The following IK variants were observed in gnomAD, a reference collection of about 807,000 sequenced individuals.
IK encodes IK cytokine, also known as protein Red.
IK carries 47 observed loss-of-function variants against 90.9 expected under a neutral mutation model. The ratio of observed to expected loss-of-function variants is 0.52; its 90% CI spans 0.41 to 0.66. The LOEUF is 0.66. Ranked by LOEUF, IK falls within the 30% of genes least tolerant of loss-of-function variation. IK has a pLI of 0.00. For synonymous variants in IK, 201 were observed against 227.5 expected (o/e 0.88, Z 1.05); for missense variants, 385 against 709.3 (o/e 0.54, Z 5.19).
chr5:140,658,967 C>T lies in IK; in HGVS notation c.979C>T (p.Pro327Ser). ...NIFEDIGDYV[P>S]STTKTPRDKE... ...TTTTGAAGACATTGGGGATTACGTA[C>T]CCTCCACAACCAAGACACCTCGGGA... Residue 327 changes from proline (P) to serine (S), a missense_variant, in exon 12 of 20, where the codon CCC (proline) becomes TCC (serine). Pro to Ser is a moderately conservative substitution (Grantham distance 74, BLOSUM62 -1). This residue lies in a region of IK where 139 missense variants were observed against 172.0 expected (regional missense o/e 0.81). Transcript: ENST00000417647. The T allele has an allele frequency of 6.2e-7, 1 of 1,613,884 alleles. No homozygotes were observed. The highest frequency in any genetic ancestry group is 8.5e-7 in the Non-Finnish European group (1 of 1,179,858).
intron 1 of IK, chr5:140,648,135 C>CT: frequency 1.4e-6 from 1 of 718,340 alleles, no homozygotes; most frequent in Non-Finnish European, 2.5e-6. Flanking sequence ...GTCCTCACTC[C>CT]TACTCCAAGT....
chr5:140,652,149 TGAAG>T lies in IK; in HGVS notation c.236+8_236+11del. On this transcript the variant is annotated splice_donor_5th_base_variant and intron_variant, in intron 4 of 19. Coordinates refer to ENST00000417647, the MANE Select transcript of IK (RefSeq NM_006083.4). ...TGCACGAAGGAGGAAAAAGAAAAGG[TGAAG>T]GAAGGGTGAAGGGTTTTAGATTTTA... 1 of 1,610,928 alleles carries T rather than the reference TGAAG, an allele frequency of 6.2e-7. No individual in the cohort carries two copies. Among genetic ancestry groups the T allele is most frequent in the Non-Finnish European group, 8.5e-7 (1 of 1,177,468 alleles).
chr5:140,655,864 G>A lies in IK; in HGVS notation c.673G>A (p.Ala225Thr). Residue 225 changes from alanine to threonine, a missense_variant, in exon 9 of 20, where the codon GCA becomes ACA. Around this residue, in one of 8 missense-constraint regions of IK, gnomAD observed 46 missense variants for 50.0 expected, o/e 0.92. Transcript: ENST00000417647. ...TTACCGAATGCTTTTTAAGAGCAAA[G>A]CATATGAGCGGAATGAGTTGTTCCT... ...NVYRMLFKSK[A>T]YERNELFLPG... The A allele has an allele frequency of 1.2e-6, 2 of 1,609,550 alleles. No individual in the cohort carries two copies. The highest frequency in any genetic ancestry group is 1.7e-6 in the Non-Finnish European group (2 of 1,177,794).
At position 140,659,752 on chromosome 5, in the gene IK, C is replaced by A; in HGVS notation, c.1196-4C>A. ...GGTCTGGGCTGAGTTCTCTTTTCTC[C>A]TAGGACCTGGGTCTACCAAGGAGTT... On this transcript the variant is annotated splice_region_variant and splice_polypyrimidine_tract_variant and intron_variant, in intron 13 of 19. Transcript: ENST00000417647. The A allele has an allele frequency of 1.3e-6, 2 of 1,583,830 alleles. No homozygotes were observed. Among genetic ancestry groups the A allele is most frequent in the Non-Finnish European group, 8.6e-7 (1 of 1,162,834 alleles).
intron 15 of IK, 97 bp downstream of exon 15, chr5:140,660,292 CTTTTTT>C (rs200714869): frequency 0.016 from 4,555 of 280,740 alleles, 1 homozygote; most frequent in East Asian, 0.026. Context: ...AGGGCTACTT[CTTTTTT>C]TTTTTTTTTT....
rs1561974306 is a variant in IK, at chr5:140,652,967, CTGGTCACAGT to C, written c.237-8_238del. ...ATGAGCCTTATACATTTGCCTTTCT[CTGGTCACAGT>C]TATTATGCCAAGCTACGCCAACAAG... On this transcript the variant is annotated splice_acceptor_variant and splice_polypyrimidine_tract_variant and coding_sequence_variant and intron_variant, in exon 5 of 20. Transcript: ENST00000417647. LOFTEE classifies it high-confidence loss of function. The C allele has an allele frequency of 1.2e-6, 2 of 1,612,704 alleles. No homozygotes were observed. Among genetic ancestry groups the C allele is most frequent in the Non-Finnish European group, 1.7e-6 (2 of 1,179,720 alleles).
At chr5:140,648,122 C>G (rs572868422) in intron 1 of IK, 198 bp downstream of exon 1, 2 of 729,112 alleles carry the variant, frequency 2.7e-6, no homozygotes, top group Non-Finnish European at 4.9e-6. Flanking sequence ...AACTCCGTCC[C>G]CAGTCCTCAC....
intron 15 of IK, 23 bp downstream of exon 15, chr5:140,660,218 A>G (rs1325649616): frequency 1.3e-6 from 2 of 1,553,258 alleles, no homozygotes; most frequent in Non-Finnish European, 8.9e-7. Context: ...TGGTTAAGGA[A>G]GGGAGGCTGG....
At chr5:140,648,267 C>T (rs1310136964) in intron 1 of IK, 1 of 708,120 alleles carries the variant, frequency 1.4e-6, no homozygotes, top group African/African-American at 1.7e-5. Context: ...GAAGTCTTCT[C>T]TGATCCTCCA....
intron 14 of IK, 67 bp downstream of exon 14, chr5:140,659,901 C>G (rs943971379): frequency 1.8e-6 from 2 of 1,116,100 alleles, no homozygotes; most frequent in African/African-American, 3.1e-5. Flanking sequence ...CCCCCCCTGC[C>G]TCCCTGCTCC....
Position 140,662,472 on chromosome 5 carries a change from A to T in IK, c.*143A>T. Reference sequence around the variant, plus strand: ...TTACTTGGTTCCATTAAAATTGGTTAACTTGCTATTTTCTTTGTTGAGCAT... The same window carrying T: ...TTACTTGGTTCCATTAAAATTGGTTTACTTGCTATTTTCTTTGTTGAGCAT... On this transcript the variant is annotated 3_prime_UTR_variant, in exon 20 of 20. Coordinates refer to ENST00000417647, the MANE Select transcript of IK (RefSeq NM_006083.4). 1.1e-6 allele frequency: 1 copy of T among 876,922 alleles called. No homozygotes were observed. The highest frequency in any genetic ancestry group is 1.8e-6 in the Non-Finnish European group (1 of 550,784). 54.3% of individuals were successfully genotyped at this position (876,922 alleles called of 1,614,324 possible).
intron 9 of IK, 85 bp downstream of exon 9, chr5:140,656,077 C>A: frequency 7.7e-7 from 1 of 1,301,674 alleles, no homozygotes; most frequent in Non-Finnish European, 1.1e-6. Flanking sequence ...CCCTTGTCCA[C>A]CATGTCACCA....
At position 140,647,914 on chromosome 5, in the gene IK, G is replaced by T. The variant is rs755697876; in HGVS notation, c.6G>T (p.Pro2=). Residue 2 remains proline (P), a synonymous_variant, in exon 1 of 20, where the codon CCG becomes CCT. Transcript: ENST00000417647. Reference sequence around the variant, plus strand: ...AGCGAAAGAACGATAACAAAATGCCGGAGCGAGATAGTAAGGCTCAGGCCA... The same window carrying T: ...AGCGAAAGAACGATAACAAAATGCCTGAGCGAGATAGTAAGGCTCAGGCCA... The part of the protein sequence containing the change: M[P]ERDSEPFSNP... 1.9e-6 allele frequency: 3 copies of T among 1,613,814 alleles called. No individual in the cohort carries two copies. The African/African-American group carries it at 4.0e-5, about 22-fold the overall frequency.
At position 140,660,292 on chromosome 5, in the gene IK, C is replaced by CTTTTTTT. The variant is rs200714869; in HGVS notation, c.1355+113_1355+119dup. On this transcript the variant is annotated intron_variant, in intron 15 of 19. Coordinates refer to ENST00000417647, the MANE Select transcript of IK (RefSeq NM_006083.4). ...GATTCGCTAAGTCCCAGGGCTACTTCTTTTTTTTTTTTTTTTTTTTTTGGA... is the reference window on the plus strand; with the variant it reads ...GATTCGCTAAGTCCCAGGGCTACTTCTTTTTTTTTTTTTTTTTTTTTTTTTTTTTGGA... The CTTTTTTT allele has an allele frequency of 2.9e-3, 812 of 282,972 alleles. 92 individuals are homozygous for CTTTTTTT. Among genetic ancestry groups the CTTTTTTT allele is most frequent in the African/African-American group, 0.028 (544 of 19,416 alleles). 17.5% of individuals were successfully genotyped at this position (282,972 alleles called of 1,614,324 possible).
intron 2 of IK, among the ~76,000 whole-genome samples, chr5:140,649,394 T>C (rs892380146): frequency 4.0e-5 from 6 of 151,208 alleles, no homozygotes; most frequent in African/African-American, 1.5e-4. Flanking sequence ...TTTGTATTTT[T>C]AGTAGAGACA....
Position 140,652,166 on chromosome 5 carries a change from GT to G in IK, c.236+23del. 1 of 1,600,402 alleles carries G rather than the reference GT, an allele frequency of 6.2e-7. No individual in the cohort carries two copies. The highest frequency in any genetic ancestry group is 8.6e-7 in the Non-Finnish European group (1 of 1,167,668). ...AGAAAAGGTGAAGGAAGGGTGAAGG[GT>G]TTTAGATTTTAAGGTGGATAGTGTT... On this transcript the variant is annotated intron_variant, in intron 4 of 19. Transcript: ENST00000417647.
At chr5:140,651,593 G>T in intron 2 of IK, 121 bp from the exon 3 acceptor site, 1 of 605,450 alleles carries the variant, frequency 1.7e-6, no homozygotes, top group Non-Finnish European at 2.9e-6. Context: ...AAAAAACAGT[G>T]TCATATCTTT....
intron 7 of IK, 39 bp downstream of exon 7, chr5:140,654,625 G>C: frequency 6.3e-7 from 1 of 1,583,558 alleles, no homozygotes; most frequent in Non-Finnish European, 8.6e-7. Context: ...ATTTAGAAAG[G>C]TGGGACCTAA....
chr5:140,650,206 C>A (rs1330893286), intron 2 of IK, among the ~76,000 whole-genome samples: 5 of 152,198 alleles, frequency 3.3e-5, no homozygotes, highest in Non-Finnish European at 5.9e-5. Flanking sequence ...GAATTAAGTT[C>A]AGTCTCTCTA....
Sources: gnomAD v4.1 joint callset for allele counts (sites outside exome capture counted in the v4.1 genomes callset) on GRCh38, gnomAD v4.1.1 for gene constraint, gnomAD v4.1.1 regional missense constraint, MANE v1.5 for transcripts, NCBI Gene and HGNC (gene_info 2026-07-23, HGNC 2026-07-21) for gene names.